The following KLHL26 variants were observed in gnomAD, a reference collection of about 807,000 sequenced individuals.
KLHL26 encodes kelch-like protein 26.
A neutral mutation model predicts 7.1 loss-of-function variants in KLHL26; 4 were observed. The observed-to-expected ratio is 0.56, with a 90% CI of 0.28 to 1.28. The LOEUF (loss-of-function observed/expected upper bound fraction) is 1.28. KLHL26 is among the 50% of genes most tolerant of loss of function. The pLI is 0.11. For synonymous variants in KLHL26, 465 were observed against 414.1 expected, an observed-to-expected ratio of 1.12 and a Z score of -1.49; for missense variants, 896 against 924.6, an observed-to-expected ratio of 0.97 and a Z score of 0.40.
rs961302782 is a variant in KLHL26, at chr19:18,650,740, A to G, written c.84-13521A>G. On this transcript the variant is annotated intron_variant, in intron 1 of 2. Coordinates refer to ENST00000300976, the MANE Select transcript of KLHL26 (RefSeq NM_018316.3). The surrounding 1 kb of genome is among the most constrained non-coding windows in gnomAD (Gnocchi z 4.2). ...GCATTTAGAGTTGCTGAACTTTCGC[A>G]TTGGTCAGGGGCGCGGGCAGCTTGC... is the stretch of plus-strand genomic sequence containing the variant. Among the ~76,000 whole-genome samples the G allele has an allele frequency of 6.6e-6, 1 of 152,224 alleles. No homozygotes were observed. Among genetic ancestry groups the G allele is most frequent in the African/African-American group, 2.4e-5 (1 of 41,468 alleles).
In KLHL26 at chr19:18,660,765, C is replaced by T. The variant is rs189308175; in HGVS notation, c.84-3496C>T. On this transcript the variant is annotated intron_variant, in intron 1 of 2. Transcript: ENST00000300976. ...TGGGGTGGGTTTGGCTTCACAGGGG[C>T]GGCAGTGAGGGTGACGTCAGGGGCC... is the stretch of plus-strand genomic sequence containing the variant. Among the ~76,000 whole-genome samples, 32 of 152,314 alleles carry T rather than the reference C, an allele frequency of 2.1e-4. No homozygotes were observed. In the East Asian group the frequency reaches 2.5e-3, roughly 12 times the overall value.
intron 1 of KLHL26, among the ~76,000 whole-genome samples, chr19:18,642,670 T>G (rs560344366): frequency 9.2e-4 from 139 of 151,536 alleles, no homozygotes; most frequent in Non-Finnish European, 1.4e-3. Flanking sequence ...GGCTTGTGGT[T>G]TTTTGTTTGT....
intron 2 of KLHL26, among the ~76,000 whole-genome samples, chr19:18,665,661 C>T (rs1423481286): frequency 3.9e-5 from 6 of 152,204 alleles, no homozygotes; most frequent in South Asian, 2.1e-4. Flanking sequence ...GTCCCTGTGC[C>T]GTGGCCGGGC....
rs555095297 is a variant in KLHL26 at position 18,650,497 on chromosome 19, C to T, written c.83+13360C>T. 1.5e-4 allele frequency among the ~76,000 whole-genome samples: 23 copies of T among 152,278 alleles called. No individual in the cohort carries two copies. The highest frequency in any genetic ancestry group is 3.9e-4 in the East Asian group (2 of 5,172). On this transcript the variant is annotated intron_variant, in intron 1 of 2. Coordinates refer to ENST00000300976, the MANE Select transcript of KLHL26 (RefSeq NM_018316.3). The surrounding 1 kb of genome is among the most constrained non-coding windows in gnomAD (Gnocchi z 4.2). The stretch of plus-strand genomic sequence containing the variant: ...AGCACGCGTTCTCCTTGGTGAAGTC[C>T]GTCCTGTCCCAGGAGGGCTGCGCTA...
At chr19:18,645,297 C>T (rs1479346646) in intron 1 of KLHL26, among the ~76,000 whole-genome samples, 2 of 152,206 alleles carry the variant, frequency 1.3e-5, no homozygotes, top group Admixed American at 6.5e-5. Context: ...TCGCACCTCC[C>T]CAGCTAAAAT....
Position 18,668,432 on chromosome 19 carries a change from G to A in KLHL26, c.1035G>A (p.Thr345=), listed in dbSNP as rs745953555. 3.7e-6 allele frequency: 6 copies of A among 1,611,404 alleles called. No individual in the cohort carries two copies. Among genetic ancestry groups the A allele is most frequent in the South Asian group, 2.2e-5 (2 of 91,068 alleles). Residue 345 remains threonine, a synonymous_variant, in exon 3 of 3, where the codon ACG becomes ACA. Coordinates refer to ENST00000300976, the MANE Select transcript of KLHL26 (RefSeq NM_018316.3). ...GAGCCCGCCACTTCCGCGAGCTCAC[G>A]GAGATGGAGGTAGGCTGCAGCCACA... is the stretch of plus-strand genomic sequence containing the variant. ...EPGARHFREL[T]EMEVGCSHTC...
chr19:18,637,317 G>A (rs1405922226), intron 1 of KLHL26, among the ~76,000 whole-genome samples, 180 bp downstream of exon 1: 2 of 152,150 alleles, frequency 1.3e-5, no homozygotes, highest in Non-Finnish European at 2.9e-5. Context: ...CTGAGGGGGT[G>A]GCTGGAGGGG....
At position 18,667,947 on chromosome 19, in the gene KLHL26, G is replaced by A. The variant is rs766616500; in HGVS notation, c.550G>A (p.Val184Met). Residue 184 changes from valine (V) to methionine (M), a missense_variant, in exon 3 of 3, where the codon GTG (valine) becomes ATG (methionine). Physicochemically the swap from Val to Met is conservative, Grantham distance 21. Coordinates refer to ENST00000300976, the MANE Select transcript of KLHL26 (RefSeq NM_018316.3). ...TFSLASLRES[V>M]DAFTFRHFLQ... ...CAGCCTGGCCTCGCTGCGAGAGTCGGTGGATGCCTTCACCTTCCGGCACTT... is the reference window on the plus strand; with the variant it reads ...CAGCCTGGCCTCGCTGCGAGAGTCGATGGATGCCTTCACCTTCCGGCACTT... 5 of 1,610,140 alleles carry A rather than the reference G, an allele frequency of 3.1e-6. No homozygotes were observed. The highest frequency in any genetic ancestry group is 1.3e-5 in the African/African-American group (1 of 75,056).
At position 18,668,133 on chromosome 19, in the gene KLHL26, C is replaced by T. The variant is rs2052474463; in HGVS notation, c.736C>T (p.His246Tyr). The change falls in exon 3 of 3, where the codon CAC becomes TAC. Residue 246 changes from histidine to tyrosine, a missense_variant. Physicochemically the swap from His to Tyr is moderately conservative, Grantham distance 83 (BLOSUM62 2). Coordinates refer to ENST00000300976, the MANE Select transcript of KLHL26 (RefSeq NM_018316.3). ...HDPARRPRAS[H>Y]VLCHIRFPLM... ...CCCGGCCCGGCGGCCGCGCGCCAGCCACGTGCTCTGCCACATTCGCTTCCC... is the reference window on the plus strand; with the variant it reads ...CCCGGCCCGGCGGCCGCGCGCCAGCTACGTGCTCTGCCACATTCGCTTCCC... 6.2e-7 allele frequency: 1 copy of T among 1,604,808 alleles called. No individual in the cohort carries two copies. The highest frequency in any genetic ancestry group is 8.5e-7 in the Non-Finnish European group (1 of 1,178,752).
At chr19:18,652,341 G>A (rs901373495) in intron 1 of KLHL26, among the ~76,000 whole-genome samples, 2 of 151,884 alleles carry the variant, frequency 1.3e-5, no homozygotes, top group Non-Finnish European at 2.9e-5. Flanking sequence ...TGTAATCCCA[G>A]CACTTTGGGA....
intron 1 of KLHL26, among the ~76,000 whole-genome samples, chr19:18,647,659 G>A (rs989887930): frequency 1.2e-4 from 18 of 151,792 alleles, no homozygotes; most frequent in African/African-American, 2.9e-4. Context: ...GAAAGAGAGA[G>A]GAGGAGAAAA....
chr19:18,645,775 G>T (rs1277400303), intron 1 of KLHL26, among the ~76,000 whole-genome samples: 9 of 151,012 alleles, frequency 6.0e-5, no homozygotes, highest in Admixed American at 5.3e-4. Flanking sequence ...TCCTGCCACT[G>T]CACTCCAGCC....
chr19:18,664,889 T>C (rs2052431891), intron 2 of KLHL26, among the ~76,000 whole-genome samples: 1 of 151,844 alleles, frequency 6.6e-6, no homozygotes, highest in Admixed American at 6.6e-5. Flanking sequence ...GGGCCCCTTC[T>C]GATTTTAGAG....
At chr19:18,654,995 T>C (rs1196725360) in intron 1 of KLHL26, among the ~76,000 whole-genome samples, 1 of 152,210 alleles carries the variant, frequency 6.6e-6, no homozygotes, top group Non-Finnish European at 1.5e-5. Flanking sequence ...TCCATGGGGT[T>C]CCCCTTTCAG....
intron 1 of KLHL26, among the ~76,000 whole-genome samples, chr19:18,638,838 C>G (rs1976663172): frequency 6.6e-6 from 1 of 152,044 alleles, no homozygotes; most frequent in Admixed American, 6.6e-5. Context: ...GTAGCTGGGA[C>G]TACAGGTGTG....
intron 1 of KLHL26, among the ~76,000 whole-genome samples, chr19:18,642,506 G>A (rs150334412): frequency 0.021 from 3,037 of 142,956 alleles, 107 homozygotes; most frequent in African/African-American, 0.076. Context: ...CTGGGATTAC[G>A]GGCGCCTGCC....
At chr19:18,651,568 A>G (rs2052257357) in intron 1 of KLHL26, among the ~76,000 whole-genome samples, 1 of 152,206 alleles carries the variant, frequency 6.6e-6, no homozygotes, top group Admixed American at 6.5e-5. Context: ...TCTGATGCTG[A>G]AATTTGTGTT....
At position 18,637,098 on chromosome 19, in the gene KLHL26, G is replaced by T. The variant is rs1243047354; in HGVS notation, c.44G>T (p.Gly15Val). ...AGCAGCGGTGGTGCTGGTGGCGGCG[G>T]CGCTTTCGGCGCGGGCCCGGGCCCC... ...GGSSGGAGGG[G>V]AFGAGPGPER... Residue 15 changes from glycine to valine, a missense_variant, in exon 1 of 3, where the codon GGC becomes GTC. Coordinates refer to ENST00000300976, the MANE Select transcript of KLHL26 (RefSeq NM_018316.3). The T allele has an allele frequency of 7.2e-7, 1 of 1,381,240 alleles. No homozygotes were observed. The allele number at this position is 1,381,240 out of a possible 1,614,324, so 85.6% of individuals were successfully genotyped here.
intron 1 of KLHL26, among the ~76,000 whole-genome samples, chr19:18,658,881 TCCCTCTCTCTGGGTCTCTGTC>T (rs1405538520): frequency 2.7e-5 from 4 of 149,662 alleles, no homozygotes; most frequent in Admixed American, 1.3e-4. Flanking sequence ...GGTCTCTGTC[TCCCTCTCTCTGGGTCTCTGTC>T]CCCTCTCTCT....
Sources: allele counts gnomAD v4.1 joint callset (sites outside exome capture counted in the v4.1 genomes callset), GRCh38; gene constraint gnomAD v4.1.1; non-coding constraint Gnocchi (gnomAD v3.1); transcripts MANE v1.5; gene names NCBI Gene and HGNC (gene_info 2026-07-23, HGNC 2026-07-21).